Variants in ACER3 observed in about 807,000 individuals in gnomAD.
The protein encoded by ACER3 is alkaline ceramidase 3.
In ACER3, 16 loss-of-function variants were observed where a neutral mutation model predicts 48.9. The ratio of observed to expected loss-of-function variants is 0.33; its 90% confidence interval spans 0.22 to 0.50. ACER3 has a LOEUF of 0.50. Among genes scored for constraint, ACER3 ranks in the 20% least tolerant of loss-of-function variants. The pLI is 0.98. For missense variants in ACER3, 227 were observed against 326.0 expected (o/e 0.70, Z 2.34); for synonymous variants, 109 against 107.8 (o/e 1.01, Z -0.07).
chr11:76,881,962 T>C (rs1945536488), intron 1 of ACER3, among the ~76,000 whole-genome samples: 1 of 151,966 alleles, frequency 6.6e-6, no homozygotes, highest in South Asian at 2.1e-4. Flanking sequence ...GCATAGTTTA[T>C]AGGTTCATTA....
intron 1 of ACER3, among the ~76,000 whole-genome samples, chr11:76,922,801 A>G (rs930091273): frequency 6.6e-6 from 1 of 152,096 alleles, no homozygotes; most frequent in Admixed American, 6.6e-5. Context: ...GTTTATTTTT[A>G]ATAGGGACAA....
intron 2 of ACER3, among the ~76,000 whole-genome samples, chr11:76,926,960 G>T (rs1284969487): frequency 1.3e-5 from 2 of 151,980 alleles, no homozygotes; most frequent in Non-Finnish European, 2.9e-5. Context: ...TATAATATTT[G>T]TTTCAGATCT....
chr11:76,933,240 CT>C (rs34058460), intron 2 of ACER3, among the ~76,000 whole-genome samples: 17,936 of 130,360 alleles, frequency 0.14, 3,851 homozygotes, highest in African/African-American at 0.46. Flanking sequence ...AATTAGAAAT[CT>C]TTTTTTTTTT....
intron 2 of ACER3, among the ~76,000 whole-genome samples, chr11:76,952,511 G>A (rs1947705613): frequency 6.6e-6 from 1 of 151,480 alleles, no homozygotes; most frequent in Non-Finnish European, 1.5e-5. Flanking sequence ...GCCCACCTTG[G>A]CCTCTCAAAG....
At chr11:76,996,945 C>T (rs1357825979) in intron 6 of ACER3, among the ~76,000 whole-genome samples, 1 of 151,912 alleles carries the variant, frequency 6.6e-6, no homozygotes, top group African/African-American at 2.4e-5. Context: ...AGGCTAATCT[C>T]GAACTCCTGA....
chr11:76,932,186 G>A (rs1283144770), intron 2 of ACER3, among the ~76,000 whole-genome samples: 1 of 152,082 alleles, frequency 6.6e-6, no homozygotes, highest in Non-Finnish European at 1.5e-5. Context: ...CTGAGATCAA[G>A]CAATCTTCCT....
At chr11:76,980,629 A>G (rs995800380) in intron 4 of ACER3, among the ~76,000 whole-genome samples, 1 of 152,086 alleles carries the variant, frequency 6.6e-6, no homozygotes, top group African/African-American at 2.4e-5. Context: ...ATGAGCCACG[A>G]TTGTGCTGCT....
At chr11:76,990,634 T>A in intron 6 of ACER3, 60 bp downstream of exon 6, 2 of 1,120,804 alleles carry the variant, frequency 1.8e-6, no homozygotes, top group Non-Finnish European at 2.6e-6. Flanking sequence ...GCTTTGTGAT[T>A]TCCTTGTCTA....
At chr11:76,868,208 C>T in intron 1 of ACER3, 1 of 1,289,762 alleles carries the variant, frequency 7.8e-7, no homozygotes, top group Non-Finnish European at 1.0e-6. Flanking sequence ...TCTGGGCTGG[C>T]AGAGGTGACA....
chr11:76,974,777 A>T (rs199521482), intron 3 of ACER3, among the ~76,000 whole-genome samples: 1 of 15,872 alleles, frequency 6.3e-5, no homozygotes, highest in Non-Finnish European at 2.2e-4. Context: ...TGAAGGGGTT[A>T]AAAAAAAAGG....
chr11:77,019,714 T>TCC lies in ACER3; in HGVS notation c.705-15_705-14dup. The stretch of plus-strand genomic sequence containing the variant: ...AAATGAATCTGAAAAGCTTTCCCCC[T>TCC]CCCACTTTTCTTTCAGTTTGTATAC... On this transcript the variant is annotated splice_polypyrimidine_tract_variant and intron_variant, in intron 9 of 10. Transcript: ENST00000532485. 6.2e-7 allele frequency: 1 copy of TCC among 1,613,302 alleles called. No homozygotes were observed. Among genetic ancestry groups the TCC allele is most frequent in the Non-Finnish European group, 8.5e-7 (1 of 1,179,320 alleles).
intron 1 of ACER3, among the ~76,000 whole-genome samples, chr11:76,908,208 C>T (rs945460624): frequency 6.6e-6 from 1 of 152,274 alleles, no homozygotes; most frequent in East Asian, 1.9e-4. Flanking sequence ...TGCACTCTAG[C>T]CTGGGCGACA....
At chr11:76,931,605 A>T (rs7933347) in intron 2 of ACER3, among the ~76,000 whole-genome samples, 16,401 of 152,130 alleles carry the variant, frequency 0.11, 2,920 homozygotes, top group African/African-American at 0.37. Context: ...GGCTAGTACC[A>T]GTTGTTCCTT....
At chr11:76,967,219 A>G (rs1948162608) in intron 3 of ACER3, among the ~76,000 whole-genome samples, 1 of 152,328 alleles carries the variant, frequency 6.6e-6, no homozygotes, top group East Asian at 1.9e-4. Flanking sequence ...AGAAATGAAT[A>G]AATTCCTTGA....
chr11:76,953,949 T>G (rs1035422829), intron 2 of ACER3, among the ~76,000 whole-genome samples: 10 of 13,920 alleles, frequency 7.2e-4, no homozygotes, highest in African/African-American at 2.7e-3. Flanking sequence ...TAAAAGTTCT[T>G]TTTTTTTTTT....
chr11:76,891,347 G>GT (rs1048119698), intron 1 of ACER3, among the ~76,000 whole-genome samples: 16 of 151,728 alleles, frequency 1.1e-4, no homozygotes, highest in African/African-American at 3.6e-4. Flanking sequence ...TTGGGACACT[G>GT]TAGGCCTCAG....
chr11:76,909,706 G>A (rs1167450458), intron 1 of ACER3, among the ~76,000 whole-genome samples: 2 of 152,230 alleles, frequency 1.3e-5, no homozygotes, highest in Admixed American at 6.5e-5. Context: ...GTGGAAGACA[G>A]TGTGGCGATT....
intron 1 of ACER3, among the ~76,000 whole-genome samples, chr11:76,879,394 A>C (rs1945467800): frequency 6.6e-6 from 1 of 152,136 alleles, no homozygotes; most frequent in South Asian, 2.1e-4. Context: ...TAGAAGTTTC[A>C]CTTCTTTCTT....
At chr11:76,927,794 C>CT (rs1946871905) in intron 2 of ACER3, among the ~76,000 whole-genome samples, 1 of 152,014 alleles carries the variant, frequency 6.6e-6, no homozygotes, top group Non-Finnish European at 1.5e-5. Context: ...TGAACTCATC[C>CT]TTTTTTAATG....
Sources: allele counts gnomAD v4.1 joint callset (sites outside exome capture counted in the v4.1 genomes callset), GRCh38; gene constraint gnomAD v4.1.1; transcripts MANE v1.5; gene names NCBI Gene and HGNC (gene_info 2026-07-23, HGNC 2026-07-21).